NME9: variants seen among roughly 807,000 people sequenced by gnomAD.
The protein encoded by NME9 is thioredoxin domain-containing protein 6.
Under a neutral mutation model 44.4 loss-of-function variants are expected in NME9, and 48 were observed. The observed-to-expected ratio is 1.08, with a 90% CI of 0.86 to 1.37. The LOEUF is 1.37. Ranked by LOEUF, NME9 falls within the 40% of genes most tolerant of loss-of-function variation. NME9 has a pLI of 0.00. For synonymous variants in NME9, 139 were observed against 147.1 expected, an observed-to-expected ratio of 0.94 and a Z score of 0.40; for missense variants, 325 against 405.2, an observed-to-expected ratio of 0.80 and a Z score of 1.70.
At chr3:138,275,842 A>AT (rs1376637722) in intron 8 of NME9, among the ~76,000 whole-genome samples, 2 of 152,160 alleles carry the variant, frequency 1.3e-5, no homozygotes, top group Non-Finnish European at 2.9e-5. Context: ...ATCTCTTAAA[A>AT]TTTTTTTTAA....
At chr3:138,320,075 T>C (rs958753974) in intron 2 of NME9, among the ~76,000 whole-genome samples, 3 of 152,228 alleles carry the variant, frequency 2.0e-5, no homozygotes, top group Non-Finnish European at 4.4e-5. Context: ...TTATCTACTT[T>C]AGAAAAATCA....
chr3:138,279,301 G>T (rs1430000556), intron 8 of NME9, among the ~76,000 whole-genome samples: 1 of 151,582 alleles, frequency 6.6e-6, no homozygotes, highest in Non-Finnish European at 1.5e-5. Flanking sequence ...ACTTTCTTTT[G>T]CATCTGTTGA....
At chr3:138,309,535 A>G (rs2052542026) in intron 6 of NME9, among the ~76,000 whole-genome samples, 1 of 151,404 alleles carries the variant, frequency 6.6e-6, no homozygotes, top group Admixed American at 6.6e-5. Context: ...AAATACAAAA[A>G]TTAGTTGGGC....
Position 138,315,528 on chromosome 3 carries a change from A to G in NME9, c.383T>C (p.Val128Ala), listed in dbSNP as rs2053011260. ...KVLAEGRERK[V>A]IKDEALSDED... ...CTTATAGAAGTGACCTCCAGTTACC[A>G]CTTTCCGTTCTCTGCCTTCAGCCAG... Residue 128 changes from valine (V) to alanine (A), a missense_variant and splice_region_variant, in exon 5 of 11, where the codon GTG (valine) becomes GCG (alanine). Val to Ala is a moderately conservative substitution (Grantham distance 64). Transcript: ENST00000333911. 1.3e-6 allele frequency: 2 copies of G among 1,535,382 alleles called. No homozygotes were observed. The highest frequency in any genetic ancestry group is 1.7e-6 in the Non-Finnish European group (2 of 1,146,230).
chr3:138,270,606 GA>G (rs1395411508), intron 8 of NME9, among the ~76,000 whole-genome samples: 3 of 152,032 alleles, frequency 2.0e-5, no homozygotes, highest in African/African-American at 7.2e-5. Context: ...AGTACAACAT[GA>G]TGTTTTGAAA....
In NME9 at chr3:138,313,846, G is replaced by A. The variant is rs2052873277; in HGVS notation, c.460+486C>T. 2.6e-5 allele frequency among the ~76,000 whole-genome samples: 4 copies of A among 152,146 alleles called. No homozygotes were observed. The South Asian group carries it at 8.3e-4, about 32-fold the overall frequency. On this transcript the variant is annotated intron_variant, in intron 6 of 10. Coordinates refer to ENST00000333911, the MANE Select transcript of NME9 (RefSeq NM_001349018.2). ...ATAGCACATGTTCTTACTCATATGTGGGAACTTAAAAAATGGATCTCATGA... is the reference window on the plus strand; with the variant it reads ...ATAGCACATGTTCTTACTCATATGTAGGAACTTAAAAAATGGATCTCATGA...
chr3:138,266,953 C>G (rs979496639), intron 8 of NME9, among the ~76,000 whole-genome samples: 1 of 152,176 alleles, frequency 6.6e-6, no homozygotes, highest in Admixed American at 6.5e-5. Context: ...CCAAGCAAGA[C>G]AGATTTGAGG....
Position 138,303,696 on chromosome 3 carries a change from T to C in NME9, c.792-53A>G, listed in dbSNP as rs193014700. On this transcript the variant is annotated intron_variant, in intron 9 of 10. Transcript: ENST00000333911. ...AACAATTGTTTCATTTGAAAAGAAA[T>C]GTTTTGCTTTCTGGCAACATGATCA... The C allele has an allele frequency of 5.0e-5, 78 of 1,562,548 alleles. No individual in the cohort carries two copies. The African/African-American group carries it at 7.2e-4, about 14-fold the overall frequency.
chr3:138,269,820 C>CA, intron 8 of NME9, among the ~76,000 whole-genome samples: 1 of 121,670 alleles, frequency 8.2e-6, no homozygotes, highest in Non-Finnish European at 1.7e-5. Context: ...TGTTTTCTTT[C>CA]TTTTTTTTTT....
chr3:138,276,014 C>CTTT (rs2049257548), intron 8 of NME9, among the ~76,000 whole-genome samples: 1 of 152,014 alleles, frequency 6.6e-6, no homozygotes, highest in Non-Finnish European at 1.5e-5. Flanking sequence ...TGAATTTTGT[C>CTTT]TATAAAGACA....
intron 8 of NME9, chr3:138,287,921 T>C (rs2050581673): frequency 4.4e-6 from 1 of 229,142 alleles, no homozygotes. Flanking sequence ...TGAGTCCTTT[T>C]TCATTCAGGC....
chr3:138,318,799 T>C (rs1476651903), intron 3 of NME9, among the ~76,000 whole-genome samples: 1 of 152,212 alleles, frequency 6.6e-6, no homozygotes, highest in Non-Finnish European at 1.5e-5. Flanking sequence ...CATACATTCA[T>C]CCAAATAAAT....
At chr3:138,294,899 GTTC>G (rs1269977221) in intron 8 of NME9, among the ~76,000 whole-genome samples, 7 of 148,670 alleles carry the variant, frequency 4.7e-5, no homozygotes, top group Non-Finnish European at 1.0e-4. Context: ...TTTGTTTTTT[GTTC>G]TTTTTTTTTT....
At chr3:138,314,184 T>A in intron 6 of NME9, 148 bp downstream of exon 6, 2 of 511,328 alleles carry the variant, frequency 3.9e-6, no homozygotes, top group South Asian at 3.8e-5. Flanking sequence ...ATCTATTATA[T>A]ATCAATTTTT....
intron 8 of NME9, among the ~76,000 whole-genome samples, chr3:138,267,541 G>A (rs1358782732): frequency 6.6e-6 from 1 of 152,108 alleles, no homozygotes; most frequent in Non-Finnish European, 1.5e-5. Context: ...CTTACAAATA[G>A]TAAACTATTC....
chr3:138,268,319 A>G (rs1356389095), intron 8 of NME9, among the ~76,000 whole-genome samples: 2 of 152,212 alleles, frequency 1.3e-5, no homozygotes, highest in Admixed American at 6.5e-5. Context: ...TGGAACAAAC[A>G]GGGCAAGACT....
At chr3:138,281,441 C>T (rs908486140) in intron 8 of NME9, among the ~76,000 whole-genome samples, 9 of 151,710 alleles carry the variant, frequency 5.9e-5, no homozygotes, top group African/African-American at 2.4e-5. Context: ...TACAGGCATG[C>T]GCCACCACAC....
At chr3:138,273,348 C>T (rs2048961764) in intron 8 of NME9, among the ~76,000 whole-genome samples, 1 of 152,172 alleles carries the variant, frequency 6.6e-6, no homozygotes, top group African/African-American at 2.4e-5. Flanking sequence ...ATCCTGTCTC[C>T]CTCTAATCCC....
intron 8 of NME9, among the ~76,000 whole-genome samples, chr3:138,295,414 A>G (rs2051390042): frequency 6.6e-6 from 1 of 152,060 alleles, no homozygotes; most frequent in South Asian, 2.1e-4. Context: ...TCACCTCAAC[A>G]CCATTTCCTC....
Sources: gnomAD v4.1 joint callset for allele counts (sites outside exome capture counted in the v4.1 genomes callset) on GRCh38, gnomAD v4.1.1 for gene constraint, MANE v1.5 for transcripts, NCBI Gene and HGNC (gene_info 2026-07-23, HGNC 2026-07-21) for gene names.